The following SIK3 variants were observed in gnomAD, a reference collection of about 807,000 sequenced individuals.
SIK3 encodes SIK family kinase 3.
A neutral mutation model predicts 144.2 loss-of-function variants in SIK3; 28 were observed. That is an observed-to-expected ratio of 0.19 (90% CI 0.14 to 0.27). The LOEUF (loss-of-function observed/expected upper bound fraction) is 0.27, where lower values mean the gene tolerates loss of function less well. Ranked by LOEUF, SIK3 falls within the 10% of genes least tolerant of loss-of-function variation. SIK3 has a pLI of 1.00. For synonymous variants in SIK3, 686 were observed against 676.3 expected, an observed-to-expected ratio of 1.01 and a Z score of -0.22; for missense variants, 1,319 against 1,776.0, an observed-to-expected ratio of 0.74 and a Z score of 4.62.
intron 1 of SIK3, among the ~76,000 whole-genome samples, chr11:116,963,082 C>T (rs1051686538): frequency 6.6e-6 from 1 of 152,164 alleles, no homozygotes; most frequent in Non-Finnish European, 1.5e-5. Flanking sequence ...TCACAGAAAC[C>T]TGGCCCAAGT....
At chr11:116,988,867 C>A (rs1242664127) in intron 1 of SIK3, among the ~76,000 whole-genome samples, 1 of 150,570 alleles carries the variant, frequency 6.6e-6, no homozygotes, top group Admixed American at 6.6e-5. Flanking sequence ...GAGAGGAGTA[C>A]AAAACTTCAC....
chr11:117,035,907 G>A (rs1397527231), intron 1 of SIK3: 6 of 1,596,078 alleles, frequency 3.8e-6, no homozygotes, highest in African/African-American at 1.3e-5. Flanking sequence ...GTTTGTGCAT[G>A]GCTAAAGACC....
chr11:116,945,500 G>C (rs10892049), intron 3 of SIK3, among the ~76,000 whole-genome samples: 21,984 of 149,934 alleles, frequency 0.15, 2,230 homozygotes, highest in African/African-American at 0.29. Flanking sequence ...GCTGGGATTA[G>C]AGGTATGATC....
intron 6 of SIK3, among the ~76,000 whole-genome samples, chr11:116,886,143 T>C (rs1454599856): frequency 3.3e-5 from 5 of 152,246 alleles, no homozygotes; most frequent in African/African-American, 1.2e-4. Context: ...TGTTAGGTCA[T>C]GGGAATGAAC....
chr11:116,939,557 T>A (rs1948173333), intron 3 of SIK3, among the ~76,000 whole-genome samples: 1 of 152,190 alleles, frequency 6.6e-6, no homozygotes, highest in Non-Finnish European at 1.5e-5. Context: ...ACAATAACTA[T>A]ACCTGAAGAT....
chr11:117,034,974 A>G (rs1372550556), intron 1 of SIK3, among the ~76,000 whole-genome samples: 1 of 152,234 alleles, frequency 6.6e-6, no homozygotes, highest in African/African-American at 2.4e-5. Flanking sequence ...TGATGTTACC[A>G]TGTTTTACAA....
chr11:116,904,716 TC>T (rs1945931169), intron 4 of SIK3: 1 of 152,340 alleles, frequency 6.6e-6, no homozygotes, highest in Admixed American at 6.5e-5. Flanking sequence ...AAAATGTTAT[TC>T]TTTTTTCTTT....
At chr11:117,023,028 C>T (rs1029444074) in intron 1 of SIK3, among the ~76,000 whole-genome samples, 1 of 152,074 alleles carries the variant, frequency 6.6e-6, no homozygotes, top group African/African-American at 2.4e-5. Flanking sequence ...ATAGAAATGC[C>T]AGGTTTAACC....
intron 4 of SIK3, among the ~76,000 whole-genome samples, chr11:116,922,560 G>A (rs7949467): frequency 6.6e-6 from 1 of 152,178 alleles, no homozygotes; most frequent in African/African-American, 2.4e-5. Flanking sequence ...GCCAAGGCAG[G>A]AGAATCGCTT....
rs975406278 is a variant in SIK3 at position 116,950,221 on chromosome 11, C to T, written c.454+3823G>A. On this transcript the variant is annotated intron_variant, in intron 3 of 24. Transcript: ENST00000445177. ...CTCCAGGACTCAGCAATAGGCAGCT[C>T]GGGGCAGAATGAGAATTGCTGATGT... 1.7e-5 allele frequency: 8 copies of T among 462,920 alleles called. 1 individual carries two copies. The highest frequency in any genetic ancestry group is 6.3e-5 in the South Asian group (4 of 63,668). 28.7% of individuals were successfully genotyped at this position (462,920 alleles called of 1,614,324 possible). A position where few individuals can be genotyped will look rare whatever the true frequency, so the allele number is the denominator to read the frequency against.
intron 3 of SIK3, among the ~76,000 whole-genome samples, chr11:116,933,429 G>A (rs186484673): frequency 1.3e-5 from 2 of 152,282 alleles, no homozygotes; most frequent in Admixed American, 1.3e-4. Context: ...GTGAGCCACT[G>A]CACCTGGCCC....
At chr11:117,097,133 G>A (rs928164610) in intron 1 of SIK3, among the ~76,000 whole-genome samples, 8 of 152,154 alleles carry the variant, frequency 5.3e-5, no homozygotes, top group Non-Finnish European at 1.5e-5. Context: ...CTACATGAAA[G>A]TGCTACCATA....
At chr11:116,988,273 C>G (rs1357165773) in intron 1 of SIK3, among the ~76,000 whole-genome samples, 1 of 152,042 alleles carries the variant, frequency 6.6e-6, no homozygotes, top group African/African-American at 2.4e-5. Context: ...GTAGTCCCAG[C>G]TACTAGGGAG....
At chr11:116,937,829 T>G (rs1013520178) in intron 3 of SIK3, among the ~76,000 whole-genome samples, 1 of 152,200 alleles carries the variant, frequency 6.6e-6, no homozygotes, top group Non-Finnish European at 1.5e-5. Context: ...TGTCCCCTCC[T>G]CTAAGCAATA....
At chr11:116,967,500 TA>T (rs1949601091) in intron 1 of SIK3, among the ~76,000 whole-genome samples, 1 of 152,208 alleles carries the variant, frequency 6.6e-6, no homozygotes, top group Non-Finnish European at 1.5e-5. Flanking sequence ...CCTCAAGGAC[TA>T]ATAACACAGT....
At chr11:116,950,741 C>G (rs1441239537) in intron 3 of SIK3, among the ~76,000 whole-genome samples, 2 of 152,204 alleles carry the variant, frequency 1.3e-5, no homozygotes, top group African/African-American at 4.8e-5. Flanking sequence ...CTGGGATCAT[C>G]AAACTAAACT....
intron 4 of SIK3, among the ~76,000 whole-genome samples, chr11:116,915,518 GA>G (rs1254600402): frequency 6.6e-6 from 1 of 152,098 alleles, no homozygotes; most frequent in Non-Finnish European, 1.5e-5. Flanking sequence ...AATATACTAT[GA>G]ATGTAGATAG....
chr11:117,022,738 TC>T (rs1369675236), intron 1 of SIK3, among the ~76,000 whole-genome samples: 1 of 151,548 alleles, frequency 6.6e-6, no homozygotes, highest in Non-Finnish European at 1.5e-5. Flanking sequence ...TGAATTGAAA[TC>T]TCATTTATAA....
chr11:116,994,287 C>T (rs892529954), intron 1 of SIK3, among the ~76,000 whole-genome samples: 1 of 152,128 alleles, frequency 6.6e-6, no homozygotes, highest in Non-Finnish European at 1.5e-5. Flanking sequence ...CACTAAGCCA[C>T]ATTGTAGGTA....
Sources: gnomAD v4.1 joint callset for allele counts (sites outside exome capture counted in the v4.1 genomes callset) on GRCh38, gnomAD v4.1.1 for gene constraint, MANE v1.5 for transcripts, NCBI Gene and HGNC (gene_info 2026-07-23, HGNC 2026-07-21) for gene names.